The following RABAC1 variants were observed in gnomAD, a reference collection of about 807,000 sequenced individuals.
RABAC1 encodes the protein Rab acceptor 1, also known as prenylated Rab acceptor protein 1.
RABAC1 carries 16 observed loss-of-function variants against 22.9 expected under a neutral mutation model. That is an observed-to-expected ratio of 0.70 (90% CI 0.47 to 1.06). The LOEUF is 1.06. Ranked by LOEUF, RABAC1 falls within the 50% of genes least tolerant of loss-of-function variation. The pLI is 0.00. For synonymous variants in RABAC1, 139 were observed against 107.7 expected, an observed-to-expected ratio of 1.29 and a Z score of -1.80; for missense variants, 227 against 246.5, an observed-to-expected ratio of 0.92 and a Z score of 0.53.
intron 3 of RABAC1, 52 bp from the exon 4 acceptor site, chr19:41,957,171 A>G: frequency 6.8e-7 from 1 of 1,461,134 alleles, no homozygotes; most frequent in South Asian, 1.2e-5. Context: ...GCCCTCTCCC[A>G]GAGTAACCCC....
rs1030252588 is a variant in RABAC1, at chr19:41,956,730, C to T, written c.*116G>A. ...AGCTTTATTTTCAAAGGCGGGATCC[C>T]TCCCCGGGCTTGTGATGGGACGGCG... On this transcript the variant is annotated 3_prime_UTR_variant, in exon 5 of 5. Transcript: ENST00000222008. 7 of 915,242 alleles carry T rather than the reference C, an allele frequency of 7.6e-6. No homozygotes were observed. The African/African-American group carries it at 8.4e-5, about 11-fold the overall frequency. The allele number at this position is 915,242 out of a possible 1,614,324, so 56.7% of individuals were successfully genotyped here. A position where few individuals can be genotyped will look rare whatever the true frequency, so the allele number is the denominator to read the frequency against.
intron 3 of RABAC1, 162 bp downstream of exon 3, chr19:41,958,124 G>C (rs2074998248): frequency 9.3e-6 from 6 of 642,290 alleles, no homozygotes; most frequent in Non-Finnish European, 1.7e-5. Flanking sequence ...GATCGGTTGT[G>C]TCTGAGATTT....
intron 3 of RABAC1, chr19:41,957,384 G>A (rs1555856865): frequency 2.0e-5 from 10 of 504,766 alleles, no homozygotes; most frequent in East Asian, 1.3e-4. Context: ...CTGGGATCCC[G>A]GCTTCCTGCT....
chr19:41,957,100 C>A lies in RABAC1; in HGVS notation c.387G>T (p.Ala129=). The A allele has an allele frequency of 1.2e-6, 2 of 1,613,750 alleles. No homozygotes were observed. The highest frequency in any genetic ancestry group is 1.7e-6 in the Non-Finnish European group (2 of 1,179,996). ...TGCCTCCAGCCAGAGCATACTGATG[C>A]GCTGGGCTCACCTCTCGGCCTGGGG... ...LVLFGREVSP[A]HQYALAGGIS... The change falls in exon 4 of 5, where the codon GCG becomes GCT. Residue 129 remains alanine, a synonymous_variant. Transcript: ENST00000222008.
Position 41,958,880 on chromosome 19 carries a change from A to C in RABAC1, c.125T>G (p.Ile42Ser). The change falls in exon 2 of 5, where the codon ATC becomes AGC. Residue 42 changes from isoleucine to serine, a missense_variant. Coordinates refer to ENST00000222008, the MANE Select transcript of RABAC1 (RefSeq NM_006423.3). ...REWLERRRAT[I>S]RPWSTFVDQQ... is the part of the protein sequence containing the mutation. ...GTCCACGAAGGTGCTCCAGGGCCGG[A>C]TGGTCGCGCGGCGCCGCTCCAGCCA... 1.2e-6 allele frequency: 2 copies of C among 1,601,100 alleles called. No individual in the cohort carries two copies. The highest frequency in any genetic ancestry group is 2.7e-5 in the African/African-American group (2 of 74,936).
Position 41,958,283 on chromosome 19 carries a change from C to T in RABAC1, c.367+3G>A, listed in dbSNP as rs1555856989. 6.2e-7 allele frequency: 1 copy of T among 1,609,936 alleles called. No homozygotes were observed. The highest frequency in any genetic ancestry group is 1.7e-5 in the Admixed American group (1 of 59,508). ...GGATTCATCTGGGCAGGGGGTTTCT[C>T]ACCAAAGAGCACAAGCTTGGACTCC... On this transcript the variant is annotated splice_donor_region_variant and intron_variant, in intron 3 of 4. Coordinates refer to ENST00000222008, the MANE Select transcript of RABAC1 (RefSeq NM_006423.3).
intron 2 of RABAC1, 84 bp from the exon 3 acceptor site, chr19:41,958,467 G>A: frequency 1.5e-6 from 2 of 1,323,072 alleles, no homozygotes; most frequent in South Asian, 1.2e-5. Context: ...ACCGGCGGGC[G>A]GCAAGCTACA....
intron 1 of RABAC1, 31 bp from the exon 2 acceptor site, chr19:41,958,979 A>C (rs1179425263): frequency 6.5e-7 from 1 of 1,526,866 alleles, no homozygotes. Context: ...TCAGTGGTGG[A>C]CCGGGATGGA....
rs1223503433 is a variant in RABAC1 at position 41,958,942 on chromosome 19, C to T, written c.63G>A (p.Leu21=). Reference sequence around the variant, plus strand: ...CACCGGAGGGAATCAGCTTCGGCAGCAGGGTCCTGCGGGGGGTGGGGCCGG... The same window carrying T: ...CACCGGAGGGAATCAGCTTCGGCAGTAGGGTCCTGCGGGGGGTGGGGCCGG... ...AEAEGLSGTT[L]LPKLIPSGAG... The change falls in exon 2 of 5, where the codon CTG becomes CTA. Residue 21 remains leucine (L), a synonymous_variant. Coordinates refer to ENST00000222008, the MANE Select transcript of RABAC1 (RefSeq NM_006423.3). The T allele has an allele frequency of 1.9e-6, 3 of 1,572,026 alleles. No homozygotes were observed. The highest frequency in any genetic ancestry group is 2.6e-6 in the Non-Finnish European group (3 of 1,163,986).
In RABAC1 at chr19:41,958,280, T is replaced by A; in HGVS notation, c.367+6A>T. 1.9e-6 allele frequency: 3 copies of A among 1,608,330 alleles called. No individual in the cohort carries two copies. Among genetic ancestry groups the A allele is most frequent in the Non-Finnish European group, 2.6e-6 (3 of 1,176,264 alleles). On this transcript the variant is annotated splice_donor_region_variant and intron_variant, in intron 3 of 4. Transcript: ENST00000222008. ...CAAGGATTCATCTGGGCAGGGGGTTTCTCACCAAAGAGCACAAGCTTGGAC... is the reference window on the plus strand; with the variant it reads ...CAAGGATTCATCTGGGCAGGGGGTTACTCACCAAAGAGCACAAGCTTGGAC...
At chr19:41,957,415 G>A in intron 3 of RABAC1, 1 of 430,102 alleles carries the variant, frequency 2.3e-6, no homozygotes, top group Non-Finnish European at 4.2e-6. Flanking sequence ...GGGCTCTCCT[G>A]CTGCAACCCT....
At chr19:41,956,996 G>T (rs1255063124) in intron 4 of RABAC1, 22 bp downstream of exon 4, 3 of 1,613,434 alleles carry the variant, frequency 1.9e-6, no homozygotes, top group Non-Finnish European at 2.5e-6. Context: ...ATCCACCCCA[G>T]CTGCTCAGAC....
At position 41,958,940 on chromosome 19, in the gene RABAC1, A is replaced by C. The variant is rs370615827; in HGVS notation, c.65T>G (p.Leu22Arg). ...EAEGLSGTTL[L>R]PKLIPSGAGR... The stretch of plus-strand genomic sequence containing the variant: ...TGCACCGGAGGGAATCAGCTTCGGC[A>C]GCAGGGTCCTGCGGGGGGTGGGGCC... Residue 22 changes from leucine to arginine, a missense_variant, in exon 2 of 5, where the codon CTG becomes CGG. Coordinates refer to ENST00000222008, the MANE Select transcript of RABAC1 (RefSeq NM_006423.3). 1.3e-5 allele frequency: 20 copies of C among 1,575,972 alleles called. No individual in the cohort carries two copies. The highest frequency in any genetic ancestry group is 1.6e-5 in the Non-Finnish European group (19 of 1,165,944).
chr19:41,957,097 A>C lies in RABAC1; in HGVS notation c.390T>G (p.His130Gln). The change falls in exon 4 of 5, where the codon CAT (histidine) becomes CAG (glutamine). Residue 130 changes from histidine (H) to glutamine (Q), a missense_variant. His to Gln is a conservative substitution (Grantham distance 24, BLOSUM62 0). Coordinates refer to ENST00000222008, the MANE Select transcript of RABAC1 (RefSeq NM_006423.3). ...AGATGCCTCCAGCCAGAGCATACTG[A>C]TGCGCTGGGCTCACCTCTCGGCCTG... ...VLFGREVSPA[H>Q]QYALAGGISF... The C allele has an allele frequency of 1.2e-6, 2 of 1,613,736 alleles. No individual in the cohort carries two copies. The highest frequency in any genetic ancestry group is 1.6e-4 in the Middle Eastern group (1 of 6,062).
rs1480891831 is a variant in RABAC1, at chr19:41,956,840, G to A, written c.*6C>T. On this transcript the variant is annotated 3_prime_UTR_variant, in exon 5 of 5. Transcript: ENST00000222008. Reference sequence around the variant, plus strand: ...CCCGGGAGGCCGGCAGGTCCCAGAAGACACCTCACACGGGTTCCATCTGCA... The same window carrying A: ...CCCGGGAGGCCGGCAGGTCCCAGAAAACACCTCACACGGGTTCCATCTGCA... 1.2e-6 allele frequency: 2 copies of A among 1,606,140 alleles called. No homozygotes were observed. The highest frequency in any genetic ancestry group is 1.1e-5 in the South Asian group (1 of 90,536).
In RABAC1 at chr19:41,956,817, C is replaced by T. The variant is rs782447254; in HGVS notation, c.*29G>A. On this transcript the variant is annotated 3_prime_UTR_variant, in exon 5 of 5. Coordinates refer to ENST00000222008, the MANE Select transcript of RABAC1 (RefSeq NM_006423.3). ...ATGGGCAGGGGTGGGGCAGCTGGCCCGGGAGGCCGGCAGGTCCCAGAAGAC... is the reference window on the plus strand; with the variant it reads ...ATGGGCAGGGGTGGGGCAGCTGGCCTGGGAGGCCGGCAGGTCCCAGAAGAC... 17 of 1,577,600 alleles carry T rather than the reference C, an allele frequency of 1.1e-5. No homozygotes were observed. Among genetic ancestry groups the T allele is most frequent in the Middle Eastern group, 2.2e-4 (1 of 4,646 alleles).
At chr19:41,959,212 G>T in intron 1 of RABAC1, 25 bp downstream of exon 1, 11 of 1,613,070 alleles carry the variant, frequency 6.8e-6, no homozygotes, top group Non-Finnish European at 8.5e-6. Flanking sequence ...TCTCTGGTCC[G>T]AGGGCCTAGA....
intron 3 of RABAC1, chr19:41,957,377 G>C: frequency 2.0e-6 from 1 of 509,342 alleles, no homozygotes; most frequent in Non-Finnish European, 3.5e-6. Context: ...GAAGTTCCTG[G>C]GATCCCGGCT....
At chr19:41,958,700 G>T in intron 2 of RABAC1, 36 bp downstream of exon 2, 1 of 1,592,716 alleles carries the variant, frequency 6.3e-7, no homozygotes, top group East Asian at 2.3e-5. Context: ...CAGCCGGTCG[G>T]GGCTAGTGCG....
Sources: gnomAD v4.1 joint callset for allele counts on GRCh38, gnomAD v4.1.1 for gene constraint, MANE v1.5 for transcripts, NCBI Gene and HGNC (gene_info 2026-07-23, HGNC 2026-07-21) for gene names.